PRKCQ: variants seen among roughly 807,000 people sequenced by gnomAD.
The protein encoded by PRKCQ is protein kinase C theta, also known as protein kinase C theta type.
In PRKCQ, 41 loss-of-function variants were observed where a neutral mutation model predicts 91.2. The ratio of observed to expected loss-of-function variants is 0.45; its 90% CI spans 0.35 to 0.58. The LOEUF is 0.58. PRKCQ is among the 20% of genes least tolerant of loss of function. PRKCQ has a pLI of 0.00. For missense variants in PRKCQ, 673 were observed against 896.5 expected (o/e 0.75, Z 3.18); for synonymous variants, 307 against 316.9 (o/e 0.97, Z 0.33).
chr10:6,492,391 T>A (rs1564348283), intron 7 of PRKCQ, among the ~76,000 whole-genome samples: 2 of 152,136 alleles, frequency 1.3e-5, no homozygotes, highest in Non-Finnish European at 2.9e-5. Context: ...GGTTAACAAA[T>A]ATGTCACACG....
At chr10:6,554,583 C>A (rs1448341103) in intron 1 of PRKCQ, among the ~76,000 whole-genome samples, 2 of 152,132 alleles carry the variant, frequency 1.3e-5, no homozygotes, top group Non-Finnish European at 2.9e-5. Context: ...ATCGCCACCT[C>A]AGGAACTCTG....
At chr10:6,464,853 CA>C (rs1279846956) in intron 12 of PRKCQ, among the ~76,000 whole-genome samples, 1 of 152,174 alleles carries the variant, frequency 6.6e-6, no homozygotes, top group African/African-American at 2.4e-5. Context: ...AATCACTTAT[CA>C]GAAGACTGTC....
chr10:6,441,754 G>A, intron 16 of PRKCQ, 139 bp downstream of exon 16: 2 of 822,124 alleles, frequency 2.4e-6, no homozygotes, highest in East Asian at 5.4e-5. Flanking sequence ...TTAAAACACA[G>A]ACGGTGCACA....
At chr10:6,442,323 T>C (rs1834011314) in intron 15 of PRKCQ, among the ~76,000 whole-genome samples, 1 of 152,206 alleles carries the variant, frequency 6.6e-6, no homozygotes, top group Non-Finnish European at 1.5e-5. Context: ...TTCCTCTGCT[T>C]ATAAAGAAAC....
At chr10:6,454,178 G>A (rs1438220725) in intron 15 of PRKCQ, among the ~76,000 whole-genome samples, 3 of 152,092 alleles carry the variant, frequency 2.0e-5, no homozygotes, top group Admixed American at 6.6e-5. Context: ...GTCTATCTTA[G>A]CTGGTGACAA....
intron 14 of PRKCQ, among the ~76,000 whole-genome samples, chr10:6,461,859 A>T (rs147236155): frequency 6.6e-6 from 1 of 152,340 alleles, no homozygotes; most frequent in East Asian, 1.9e-4. Context: ...CAATAGTGTC[A>T]ATCTAAGAGC....
intron 16 of PRKCQ, among the ~76,000 whole-genome samples, chr10:6,433,913 C>G (rs949191296): frequency 6.6e-6 from 1 of 151,490 alleles, no homozygotes; most frequent in African/African-American, 2.4e-5. Context: ...CGCCTGTAAC[C>G]CCAGCTATGC....
Position 6,483,429 on chromosome 10 carries a change from C to A in PRKCQ, c.1179+11G>T. ...AGTTGGGCCATAGCATTCTCCCGTG[C>A]ATTAGCTTACCTTGCCAAAACTTCC... is the stretch of plus-strand genomic sequence containing the variant. On this transcript the variant is annotated intron_variant, in intron 11 of 17. Transcript: ENST00000263125. 6.2e-7 allele frequency: 1 copy of A among 1,614,150 alleles called. No individual in the cohort carries two copies. The highest frequency in any genetic ancestry group is 1.1e-5 in the South Asian group (1 of 91,084).
chr10:6,438,357 G>GA (rs1833800481), intron 16 of PRKCQ, among the ~76,000 whole-genome samples: 2 of 152,156 alleles, frequency 1.3e-5, no homozygotes, highest in East Asian at 1.9e-4. Flanking sequence ...GTAGATTAGT[G>GA]AAAAAAGATG....
intron 12 of PRKCQ, among the ~76,000 whole-genome samples, chr10:6,472,061 C>T (rs927089439): frequency 6.6e-6 from 1 of 152,184 alleles, no homozygotes; most frequent in Non-Finnish European, 1.5e-5. Flanking sequence ...GTAATCCTAG[C>T]ACTCTGGGAG....
chr10:6,436,051 C>G (rs1244880778), intron 16 of PRKCQ, among the ~76,000 whole-genome samples: 1 of 152,140 alleles, frequency 6.6e-6, no homozygotes, highest in Admixed American at 6.5e-5. Flanking sequence ...GAAGCATAGG[C>G]TGCAGTGAGC....
Position 6,491,690 on chromosome 10 carries a change from C to G in PRKCQ, c.783G>C (p.Lys261Asn). Residue 261 changes from lysine (K) to asparagine (N), a missense_variant, in exon 8 of 18, where the codon AAG becomes AAC. By Grantham distance (94) the Lys-to-Asn change is moderately conservative. Coordinates refer to ENST00000263125, the MANE Select transcript of PRKCQ (RefSeq NM_006257.5). ...ATCCCCCACTGGACTCACCATCACACTTGAGTCCTTGCCGTGCCAGTCCCC... is the reference window on the plus strand; with the variant it reads ...ATCCCCCACTGGACTCACCATCACAGTTGAGTCCTTGCCGTGCCAGTCCCC... The part of the protein sequence containing the change: ...LLWGLARQGL[K>N]CDACGMNVHH... The G allele has an allele frequency of 6.2e-7, 1 of 1,614,200 alleles. No homozygotes were observed. The highest frequency in any genetic ancestry group is 8.5e-7 in the Non-Finnish European group (1 of 1,180,024).
At chr10:6,478,950 C>T (rs1467689319) in intron 12 of PRKCQ, 42 bp downstream of exon 12, 2 of 1,601,826 alleles carry the variant, frequency 1.2e-6, no homozygotes, top group South Asian at 1.1e-5. Flanking sequence ...CATGCTGAGA[C>T]AGGTTAGAGG....
Position 6,456,791 on chromosome 10 carries a change from G to T in PRKCQ, c.1530C>A (p.Ile510=). 1.2e-6 allele frequency: 2 copies of T among 1,614,002 alleles called. No individual in the cohort carries two copies. Among genetic ancestry groups the T allele is most frequent in the African/African-American group, 2.7e-5 (2 of 75,018 alleles). ...TGATATGTCCATCTTTGTCTAACAG[G>T]ATGTTATCTAGCTTCAGGTCCCTGA... ...IVYRDLKLDN[I]LLDKDGHIKI... The change falls in exon 15 of 18, where the codon ATC becomes ATA. Residue 510 remains isoleucine, a synonymous_variant. Transcript: ENST00000263125.
chr10:6,439,448 G>A (rs1272380392), intron 16 of PRKCQ, among the ~76,000 whole-genome samples: 2 of 152,102 alleles, frequency 1.3e-5, no homozygotes, highest in Non-Finnish European at 2.9e-5. Flanking sequence ...ACCTGGATTT[G>A]AACTGCACCA....
chr10:6,503,964 G>A (rs1488972482), intron 4 of PRKCQ, among the ~76,000 whole-genome samples: 1 of 152,252 alleles, frequency 6.6e-6, no homozygotes, highest in African/African-American at 2.4e-5. Flanking sequence ...TTCTTGTAGA[G>A]ATGGGGTCAC....
At chr10:6,463,763 A>G (rs1835484020) in intron 13 of PRKCQ, among the ~76,000 whole-genome samples, 1 of 152,186 alleles carries the variant, frequency 6.6e-6, no homozygotes, top group Admixed American at 6.5e-5. Flanking sequence ...TGGGACCCAA[A>G]GGGAACAGCA....
chr10:6,566,181 C>T (rs180791936), intron 1 of PRKCQ, among the ~76,000 whole-genome samples: 24 of 152,308 alleles, frequency 1.6e-4, no homozygotes, highest in Admixed American at 1.4e-3. Context: ...AATTTTAATT[C>T]CTCCTGTCCA....
intron 1 of PRKCQ, among the ~76,000 whole-genome samples, chr10:6,565,616 T>C (rs940113766): frequency 2.8e-4 from 43 of 152,218 alleles, no homozygotes; most frequent in Non-Finnish European, 5.3e-4. Context: ...CTTCTTGTGA[T>C]GCTTTTCTCT....
Sources: allele counts gnomAD v4.1 joint callset (sites outside exome capture counted in the v4.1 genomes callset), GRCh38; gene constraint gnomAD v4.1.1; transcripts MANE v1.5; gene names NCBI Gene and HGNC (gene_info 2026-07-23, HGNC 2026-07-21).